Variants in TRAPPC9 observed in about 807,000 individuals in gnomAD.
The protein encoded by TRAPPC9 is IKK2 binding protein.
TRAPPC9 carries 83 observed loss-of-function variants against 124.0 expected under a neutral mutation model. That is an observed-to-expected ratio of 0.67 (90% CI 0.56 to 0.80). The LOEUF is 0.80. Among genes scored for constraint, TRAPPC9 ranks in the 30% least tolerant of loss-of-function variants. The probability of loss-of-function intolerance (pLI) is 0.00; values close to 1 mark genes in which losing one functional copy is unlikely to be tolerated. For missense variants in TRAPPC9, 1,302 were observed against 1,508.3 expected (o/e 0.86, Z 2.27); for synonymous variants, 638 against 617.5 (o/e 1.03, Z -0.49).
chr8:139,891,955 C>T (rs185613536), intron 20 of TRAPPC9, among the ~76,000 whole-genome samples: 2 of 152,360 alleles, frequency 1.3e-5, no homozygotes, highest in Admixed American at 1.3e-4. Flanking sequence ...GCCCACTCTG[C>T]CCCCAGAGGC....
In TRAPPC9 at chr8:139,885,941, C is replaced by G; in HGVS notation, c.2993G>C (p.Ser998Thr). The change falls in exon 21 of 23, where the codon AGT becomes ACT. Residue 998 changes from serine (S) to threonine (T), a missense_variant. Ser to Thr is a moderately conservative substitution (Grantham distance 58). Coordinates refer to ENST00000438773, the MANE Select transcript of TRAPPC9 (RefSeq NM_001160372.4). The stretch of plus-strand genomic sequence containing the variant: ...GAGCTGGTTCAGGAGTCCTTCCACA[C>G]TCGCCTCGCCACTGCGCTTCAGGGA... ...IPSLKRSGEA[S>T]VEGLLNQLVL... 6.4e-7 allele frequency: 1 copy of G among 1,571,840 alleles called. No homozygotes were observed. Among genetic ancestry groups the G allele is most frequent in the African/African-American group, 1.3e-5 (1 of 74,304 alleles).
intron 16 of TRAPPC9, among the ~76,000 whole-genome samples, chr8:140,224,089 A>C (rs1320927309): frequency 2.0e-5 from 3 of 152,212 alleles, no homozygotes; most frequent in Non-Finnish European, 4.4e-5. Context: ...TCCTCTCTGC[A>C]CTTAGAAGAA....
At chr8:140,347,249 C>T (rs1368710294) in intron 9 of TRAPPC9, among the ~76,000 whole-genome samples, 2 of 152,194 alleles carry the variant, frequency 1.3e-5, no homozygotes, top group Non-Finnish European at 2.9e-5. Flanking sequence ...TGCTTCCCTC[C>T]CTTCACATCC....
In TRAPPC9 at chr8:139,816,096, C is replaced by T. The variant is rs58842361; in HGVS notation, c.3055+69783G>A. Among the ~76,000 whole-genome samples, 8 of 152,318 alleles carry T rather than the reference C, an allele frequency of 5.3e-5. No homozygotes were observed. In the East Asian group the frequency reaches 1.4e-3, roughly 26 times the overall value. The stretch of plus-strand genomic sequence containing the variant: ...TTTGGCAGATGCTATGGTTGGGAAG[C>T]ACAGAGTGGGTGGGAGAACCGCAGG... On this transcript the variant is annotated intron_variant, in intron 21 of 22. Transcript: ENST00000438773.
At chr8:140,348,408 G>A (rs111636157) in intron 9 of TRAPPC9, among the ~76,000 whole-genome samples, 214 of 152,228 alleles carry the variant, frequency 1.4e-3, no homozygotes, top group African/African-American at 4.7e-3. Flanking sequence ...GTAAGGCAGC[G>A]TTCTGCACAC....
chr8:140,305,592 G>A (rs911022579), intron 10 of TRAPPC9, among the ~76,000 whole-genome samples: 6 of 152,140 alleles, frequency 3.9e-5, no homozygotes, highest in Admixed American at 1.3e-4. Context: ...GTGAGCCACC[G>A]TGCCAGACCC....
intron 19 of TRAPPC9, among the ~76,000 whole-genome samples, chr8:139,920,550 C>T (rs77093124): frequency 0.043 from 6,492 of 152,310 alleles, 458 homozygotes; most frequent in African/African-American, 0.15. Context: ...GAGTGACCTA[C>T]GTGGGCCCAG....
chr8:139,752,630 CATCT>C (rs1236084651), intron 21 of TRAPPC9, among the ~76,000 whole-genome samples: 3 of 151,854 alleles, frequency 2.0e-5, no homozygotes, highest in East Asian at 2.0e-4. Flanking sequence ...ATCTACCATC[CATCT>C]ATCCATCCAT....
At chr8:140,086,511 T>C (rs757530182) in intron 17 of TRAPPC9, among the ~76,000 whole-genome samples, 1 of 152,206 alleles carries the variant, frequency 6.6e-6, no homozygotes, top group Non-Finnish European at 1.5e-5. Context: ...GCCCAGCTCC[T>C]GCTGCCTCTG....
At chr8:139,998,723 A>G (rs1247844962) in intron 18 of TRAPPC9, among the ~76,000 whole-genome samples, 1 of 152,228 alleles carries the variant, frequency 6.6e-6, no homozygotes. Context: ...CTCCGTCTCA[A>G]AAAAATAAAT....
intron 6 of TRAPPC9, among the ~76,000 whole-genome samples, chr8:140,403,617 T>C (rs2069358983): frequency 5.3e-5 from 8 of 152,050 alleles, no homozygotes; most frequent in Admixed American, 5.2e-4. Context: ...AATAACCTTT[T>C]TGGAGGACAA....
chr8:140,287,449 C>T (rs1179236866), intron 13 of TRAPPC9, among the ~76,000 whole-genome samples, 159 bp downstream of exon 13: 2 of 152,118 alleles, frequency 1.3e-5, no homozygotes, highest in Non-Finnish European at 2.9e-5. Flanking sequence ...CCGCACCCCA[C>T]GAACAGGTTT....
intron 21 of TRAPPC9, among the ~76,000 whole-genome samples, chr8:139,871,075 T>C (rs1828869307): frequency 6.6e-6 from 1 of 152,168 alleles, no homozygotes; most frequent in South Asian, 2.1e-4. Context: ...GTTTTATGTA[T>C]CTGATGAGGT....
chr8:140,230,637 G>C (rs992536065), intron 16 of TRAPPC9, among the ~76,000 whole-genome samples: 11 of 152,010 alleles, frequency 7.2e-5, no homozygotes, highest in Non-Finnish European at 1.5e-4. Context: ...GCCAGGCATG[G>C]TTGACACACG....
At chr8:140,113,580 G>A (rs557254636) in intron 17 of TRAPPC9, among the ~76,000 whole-genome samples, 14 of 152,336 alleles carry the variant, frequency 9.2e-5, no homozygotes, top group East Asian at 5.8e-4. Context: ...AGTCCTGGGC[G>A]TGGAGAAGTC....
chr8:140,426,570 A>C (rs773691927), intron 5 of TRAPPC9, 45 bp downstream of exon 5: 2 of 1,585,334 alleles, frequency 1.3e-6, no homozygotes, highest in South Asian at 2.2e-5. Flanking sequence ...TGAAACAAGC[A>C]CTTAAAAAAA....
At chr8:140,445,471 C>G (rs1393095811) in intron 2 of TRAPPC9, among the ~76,000 whole-genome samples, 1 of 152,166 alleles carries the variant, frequency 6.6e-6, no homozygotes, top group Non-Finnish European at 1.5e-5. Context: ...TCTGAAGGGC[C>G]TGCGGTCCAG....
intron 17 of TRAPPC9, among the ~76,000 whole-genome samples, chr8:140,089,301 C>T (rs959678036): frequency 6.6e-6 from 1 of 152,168 alleles, no homozygotes; most frequent in African/African-American, 2.4e-5. Flanking sequence ...TTTCAGAGGT[C>T]AGAAATACAC....
At chr8:139,991,977 T>C (rs140945397) in intron 18 of TRAPPC9, among the ~76,000 whole-genome samples, 1,703 of 152,256 alleles carry the variant, frequency 0.011, 32 homozygotes, top group African/African-American at 0.039. Context: ...CATTCATGGC[T>C]ATTATACTCC....
Sources: allele counts gnomAD v4.1 joint callset (sites outside exome capture counted in the v4.1 genomes callset), GRCh38; gene constraint gnomAD v4.1.1; transcripts MANE v1.5; gene names NCBI Gene and HGNC (gene_info 2026-07-23, HGNC 2026-07-21).